The following SAMMSON variants were observed in gnomAD, a reference collection of about 807,000 sequenced individuals.
SAMMSON encodes long intergenic non-protein coding RNA 1212.
At chr3:70,420,941 A>AT (rs59075076) in intron 2 of SAMMSON, among the ~76,000 whole-genome samples, 24,650 of 151,060 alleles carry the variant, frequency 0.16, 2,724 homozygotes, top group Non-Finnish European at 0.23. Flanking sequence ...GTTTTGCTTT[A>AT]TTTTTTTTTT....
In SAMMSON at chr3:70,137,820, A is replaced by G. The variant is rs186521266; in HGVS notation, n.507+66255A>G. On this transcript the variant is annotated intron_variant and non_coding_transcript_variant, in intron 4 of 9. Transcript: ENST00000642114. ...CACTTATTTTTTACCATAAGTCTCT[A>G]ATATCCAGTATAGATTTTACACTTC... is the stretch of plus-strand genomic sequence containing the variant. Among the ~76,000 whole-genome samples the G allele has an allele frequency of 8.1e-3, 1,235 of 152,300 alleles. 21 individuals are homozygous for G. Among genetic ancestry groups the G allele is most frequent in the African/African-American group, 0.028 (1,167 of 41,574 alleles).
At chr3:70,405,686 G>A (rs1701172123) in intron 2 of SAMMSON, among the ~76,000 whole-genome samples, 1 of 152,150 alleles carries the variant, frequency 6.6e-6, no homozygotes, top group Admixed American at 6.5e-5. Flanking sequence ...AATAAACAGA[G>A]ACTCAGTGAC....
chr3:70,021,559 T>C lies in SAMMSON; in HGVS notation n.417+7887T>C, dbSNP rs937724862. Among the ~76,000 whole-genome samples the C allele has an allele frequency of 3.9e-5, 6 of 152,346 alleles. No individual in the cohort carries two copies. The East Asian group carries it at 1.2e-3, about 29-fold the overall frequency. On this transcript the variant is annotated intron_variant and non_coding_transcript_variant, in intron 3 of 9. Coordinates refer to ENST00000642114, the Ensembl canonical transcript of SAMMSON. ...TATTTCTACTAGGCCTGATTATATT[T>C]AGTTTTTTCACTTTTCAAAACCTCT...
chr3:70,222,754 T>C (rs1157610237), intron 4 of SAMMSON, among the ~76,000 whole-genome samples: 1 of 152,164 alleles, frequency 6.6e-6, no homozygotes, highest in East Asian at 1.9e-4. Flanking sequence ...GGTATAAATA[T>C]ACAGGTGCCT....
intron 4 of SAMMSON, among the ~76,000 whole-genome samples, chr3:70,230,449 C>G (rs17006869): frequency 0.017 from 2,631 of 152,168 alleles, 83 homozygotes; most frequent in African/African-American, 0.058. Flanking sequence ...TTACTTGGAT[C>G]TCAAAACCTC....
intron 4 of SAMMSON, among the ~76,000 whole-genome samples, chr3:70,085,483 C>T (rs926458886): frequency 6.6e-6 from 1 of 152,134 alleles, no homozygotes; most frequent in Admixed American, 6.5e-5. Context: ...TTCCCTCCAC[C>T]TGGGGGTGCT....
chr3:70,413,421 A>C (rs1229908549), intron 2 of SAMMSON, among the ~76,000 whole-genome samples: 1 of 152,162 alleles, frequency 6.6e-6, no homozygotes, highest in Non-Finnish European at 1.5e-5. Flanking sequence ...GTCACCCTGA[A>C]AAGGACCAGG....
At chr3:70,074,212 T>C (rs1312797920) in intron 4 of SAMMSON, among the ~76,000 whole-genome samples, 2 of 152,106 alleles carry the variant, frequency 1.3e-5, no homozygotes, top group Non-Finnish European at 2.9e-5. Flanking sequence ...TTTTTGAATG[T>C]TAAATATAAA....
chr3:70,422,770 A>T (rs1197011815), intron 2 of SAMMSON, among the ~76,000 whole-genome samples: 2 of 152,004 alleles, frequency 1.3e-5, no homozygotes, highest in East Asian at 3.9e-4. Flanking sequence ...AATAAAAAAA[A>T]GCACCAAAAT....
At chr3:70,136,478 A>G (rs1016178752) in intron 4 of SAMMSON, among the ~76,000 whole-genome samples, 1 of 152,336 alleles carries the variant, frequency 6.6e-6, no homozygotes. Flanking sequence ...GCCCCAGTCA[A>G]GCCTTCAAAT....
intron 1 of SAMMSON, chr3:70,009,269 T>G (rs2066943466): frequency 6.8e-6 from 1 of 147,664 alleles, no homozygotes; most frequent in Admixed American, 6.8e-5. Context: ...CATCTGGTCC[T>G]GGACTTTTTT....
chr3:70,292,567 A>G (rs1234469811), intron 7 of SAMMSON, among the ~76,000 whole-genome samples: 1 of 152,136 alleles, frequency 6.6e-6, no homozygotes, highest in Non-Finnish European at 1.5e-5. Context: ...TAAACTTGTA[A>G]GTATTTTTTA....
chr3:70,237,843 A>G (rs1245890800), intron 4 of SAMMSON, among the ~76,000 whole-genome samples: 1 of 152,178 alleles, frequency 6.6e-6, no homozygotes, highest in African/African-American at 2.4e-5. Flanking sequence ...TAAATATTGC[A>G]CTGAAAGTGC....
intron 2 of SAMMSON, among the ~76,000 whole-genome samples, chr3:70,420,441 T>C (rs553927555): frequency 7.9e-4 from 120 of 152,322 alleles, no homozygotes; most frequent in African/African-American, 2.8e-3. Flanking sequence ...ATAGTGTCTA[T>C]TTTCCAAGAA....
intron 3 of SAMMSON, among the ~76,000 whole-genome samples, chr3:70,044,516 C>CA (rs2067116876): frequency 6.6e-6 from 1 of 151,988 alleles, no homozygotes; most frequent in South Asian, 2.1e-4. Context: ...GATGTAAGTT[C>CA]AAATGCCTTC....
At chr3:70,418,716 G>C (rs529735922) in intron 2 of SAMMSON, among the ~76,000 whole-genome samples, 2 of 152,300 alleles carry the variant, frequency 1.3e-5, no homozygotes, top group South Asian at 4.1e-4. Flanking sequence ...AAAGGGCAGA[G>C]TACAAGCCCA....
At chr3:70,085,332 C>G (rs1207084171) in intron 4 of SAMMSON, among the ~76,000 whole-genome samples, 1 of 152,168 alleles carries the variant, frequency 6.6e-6, no homozygotes, top group African/African-American at 2.4e-5. Flanking sequence ...TCTGGGTTCC[C>G]CCTTTTTCAT....
At chr3:70,102,705 T>G (rs1275874253) in intron 4 of SAMMSON, among the ~76,000 whole-genome samples, 1 of 152,204 alleles carries the variant, frequency 6.6e-6, no homozygotes, top group African/African-American at 2.4e-5. Context: ...GAGAGTCAGC[T>G]CCTGGTTCAA....
intron 4 of SAMMSON, among the ~76,000 whole-genome samples, chr3:70,086,914 A>AG (rs1212414327): frequency 6.6e-6 from 1 of 152,154 alleles, no homozygotes; most frequent in African/African-American, 2.4e-5. Flanking sequence ...TATTTAGCTG[A>AG]GGGGAAAAAC....
Sources: gnomAD v4.1 joint callset for allele counts (sites outside exome capture counted in the v4.1 genomes callset) on GRCh38, gnomAD v4.1.1 for gene constraint, MANE v1.5 for transcripts, NCBI Gene and HGNC (gene_info 2026-07-23, HGNC 2026-07-21) for gene names.